Variants in TTLL11 observed in about 807,000 individuals in gnomAD.
TTLL11 encodes tubulin polyglutamylase TTLL11.
A neutral mutation model predicts 51.7 loss-of-function variants in TTLL11; 42 were observed. The ratio of observed to expected loss-of-function variants is 0.81; its 90% CI spans 0.64 to 1.05. TTLL11 has a LOEUF of 1.05. TTLL11 is among the 50% of genes least tolerant of loss of function. The pLI, the probability that TTLL11 is intolerant of heterozygous loss-of-function variation, is 0.00. For synonymous variants in TTLL11, 381 were observed against 383.5 expected, an observed-to-expected ratio of 0.99 and a Z score of 0.08; for missense variants, 799 against 940.4, an observed-to-expected ratio of 0.85 and a Z score of 1.97.
chr9:121,844,570 C>T (rs779423335), intron 8 of TTLL11, among the ~76,000 whole-genome samples: 1 of 151,948 alleles, frequency 6.6e-6, no homozygotes, highest in Non-Finnish European at 1.5e-5. Flanking sequence ...TTGGAATTAT[C>T]CAATGGAGAA....
chr9:122,043,722 TAA>T (rs374925930), intron 1 of TTLL11, among the ~76,000 whole-genome samples: 8 of 152,060 alleles, frequency 5.3e-5, no homozygotes, highest in African/African-American at 1.9e-4. Context: ...AGATAAAAAT[TAA>T]AAACTTTTTT....
Position 121,989,090 on chromosome 9 carries a change from C to T in TTLL11, c.1269+105G>A, listed in dbSNP as rs200489912. On this transcript the variant is annotated intron_variant, in intron 4 of 8. Coordinates refer to ENST00000321582, the MANE Select transcript of TTLL11 (RefSeq NM_001139442.2). The surrounding 1 kb of genome is among the most constrained non-coding windows in gnomAD (Gnocchi z 4.2). The stretch of plus-strand genomic sequence containing the variant: ...CCCACAGCACCACCAACACTGTCCC[C>T]TCCTCTGGCCATCCCACCCCGATCA... 3.3e-6 allele frequency: 5 copies of T among 1,538,364 alleles called. No homozygotes were observed. Among genetic ancestry groups the T allele is most frequent in the Non-Finnish European group, 4.4e-6 (5 of 1,142,042 alleles).
chr9:122,027,622 A>G (rs914915950), intron 3 of TTLL11, among the ~76,000 whole-genome samples: 2 of 152,216 alleles, frequency 1.3e-5, no homozygotes, highest in African/African-American at 2.4e-5. Context: ...TCTCTGTCCT[A>G]TTTTTGCAAC....
In TTLL11 at chr9:121,844,417, GCCTGATTA is replaced by G. The variant is rs1168852103; in HGVS notation, c.1840+15912_1840+15919del. Among the ~76,000 whole-genome samples, 8 of 152,254 alleles carry G rather than the reference GCCTGATTA, an allele frequency of 5.3e-5. No homozygotes were observed. In the East Asian group the frequency reaches 1.3e-3, roughly 26 times the overall value. ...ATAAATATAAAACCTCACACTGAAA[GCCTGATTA>G]CCTTGGTTCCTATTATCAGGTACTT... On this transcript the variant is annotated intron_variant, in intron 8 of 8. Transcript: ENST00000321582.
intron 4 of TTLL11, among the ~76,000 whole-genome samples, chr9:121,977,945 G>GA (rs1174700753): frequency 6.6e-6 from 1 of 152,082 alleles, no homozygotes; most frequent in Non-Finnish European, 1.5e-5. Context: ...AAAGTTCTGG[G>GA]ATTACAGACG....
chr9:121,971,415 C>T lies in TTLL11; in HGVS notation c.1481+2594G>A, dbSNP rs1206178807. 4.8e-4 allele frequency among the ~76,000 whole-genome samples: 49 copies of T among 101,232 alleles called. No homozygotes were observed. The East Asian group carries it at 0.01, about 21-fold the overall frequency. The allele number at this position is 101,232 out of a possible 152,430, so 66.4% of individuals were successfully genotyped here. On this transcript the variant is annotated intron_variant, in intron 6 of 8. Transcript: ENST00000321582. ...GAGGTGGGGGGGTCAGCCCCCCGCCCGGCCAGCCGCCCCGTCCGGGAGGGA... is the reference window on the plus strand; with the variant it reads ...GAGGTGGGGGGGTCAGCCCCCCGCCTGGCCAGCCGCCCCGTCCGGGAGGGA...
At chr9:121,864,135 T>G (rs898736851) in intron 7 of TTLL11, among the ~76,000 whole-genome samples, 2 of 152,234 alleles carry the variant, frequency 1.3e-5, no homozygotes, top group African/African-American at 4.8e-5. Flanking sequence ...ATCAAGACTT[T>G]GGAATGAATT....
At chr9:121,880,380 A>T (rs1838741391) in intron 6 of TTLL11, among the ~76,000 whole-genome samples, 1 of 152,154 alleles carries the variant, frequency 6.6e-6, no homozygotes, top group East Asian at 1.9e-4. Flanking sequence ...TCCACTAGAA[A>T]AACAGCCATC....
chr9:122,062,936 C>T (rs936670934), intron 1 of TTLL11, among the ~76,000 whole-genome samples: 1 of 151,892 alleles, frequency 6.6e-6, no homozygotes, highest in Non-Finnish European at 1.5e-5. Flanking sequence ...CATGCCACCA[C>T]GCCTGGCTAA....
intron 6 of TTLL11, among the ~76,000 whole-genome samples, chr9:121,938,869 G>A (rs1233591082): frequency 2.0e-5 from 3 of 152,188 alleles, no homozygotes; most frequent in South Asian, 2.1e-4. Context: ...TAGTACAATC[G>A]CTCTGGGGAG....
chr9:121,919,123 T>C (rs1186266812), intron 6 of TTLL11, among the ~76,000 whole-genome samples: 2 of 152,240 alleles, frequency 1.3e-5, no homozygotes, highest in African/African-American at 4.8e-5. Flanking sequence ...AAAAGGTAAA[T>C]GTCCACCTGA....
chr9:121,980,017 G>A (rs919247638), intron 4 of TTLL11, among the ~76,000 whole-genome samples: 1 of 151,042 alleles, frequency 6.6e-6, no homozygotes, highest in Non-Finnish European at 1.5e-5. Context: ...TTGGCACTGA[G>A]CATAAAGCAG....
intron 6 of TTLL11, among the ~76,000 whole-genome samples, chr9:121,927,259 T>G (rs1022688410): frequency 3.3e-5 from 5 of 152,260 alleles, no homozygotes; most frequent in African/African-American, 1.2e-4. Context: ...CTTACAATGC[T>G]CTCAGCACAG....
intron 6 of TTLL11, among the ~76,000 whole-genome samples, chr9:121,891,871 T>G (rs887439832): frequency 2.6e-5 from 4 of 151,250 alleles, no homozygotes; most frequent in African/African-American, 7.3e-5. Flanking sequence ...AGTCTAAAAT[T>G]CTCACCTGGG....
intron 2 of TTLL11, among the ~76,000 whole-genome samples, chr9:122,038,506 G>A (rs545879428): frequency 4.3e-4 from 65 of 152,138 alleles, no homozygotes; most frequent in Admixed American, 1.1e-3. Flanking sequence ...AAAATTAGCC[G>A]GGTATGGTGG....
intron 1 of TTLL11, among the ~76,000 whole-genome samples, chr9:122,070,235 C>T (rs1365376526): frequency 2.6e-5 from 4 of 152,110 alleles, no homozygotes; most frequent in Non-Finnish European, 4.4e-5. Flanking sequence ...TTGAAAGGGG[C>T]TCCAATTCAG....
chr9:121,831,260 G>A (rs1038440156), intron 8 of TTLL11, among the ~76,000 whole-genome samples: 3 of 152,220 alleles, frequency 2.0e-5, no homozygotes, highest in Non-Finnish European at 4.4e-5. Context: ...TGGGGATTCT[G>A]TCTGTTGGCG....
chr9:121,974,390 G>C (rs1473773253), intron 5 of TTLL11, among the ~76,000 whole-genome samples: 1 of 152,072 alleles, frequency 6.6e-6, no homozygotes, highest in Non-Finnish European at 1.5e-5. Flanking sequence ...AATATAGAAA[G>C]GGGTTAAGAA....
chr9:121,835,997 C>T (rs1269073608), intron 8 of TTLL11, among the ~76,000 whole-genome samples: 1 of 152,210 alleles, frequency 6.6e-6, no homozygotes, highest in East Asian at 1.9e-4. Flanking sequence ...AGGGTAACAA[C>T]AACACCCAGA....
Sources: gnomAD v4.1 joint callset for allele counts (sites outside exome capture counted in the v4.1 genomes callset) on GRCh38, gnomAD v4.1.1 for gene constraint, Gnocchi (gnomAD v3.1) non-coding constraint, MANE v1.5 for transcripts, NCBI Gene and HGNC (gene_info 2026-07-23, HGNC 2026-07-21) for gene names.